CNIH1: variants seen among roughly 807,000 people sequenced by gnomAD.
The protein encoded by CNIH1 is cornichon family member 1, also known as protein cornichon homolog 1.
A neutral mutation model predicts 20.2 loss-of-function variants in CNIH1; 12 were observed. The ratio of observed to expected loss-of-function variants is 0.59; its 90% confidence interval spans 0.38 to 0.96. The LOEUF is 0.96. Among genes scored for constraint, CNIH1 ranks in the 40% least tolerant of loss-of-function variants. The probability of loss-of-function intolerance (pLI) is 0.00; values close to 1 mark genes in which losing one functional copy is unlikely to be tolerated. For missense variants in CNIH1, 152 were observed against 178.8 expected, an observed-to-expected ratio of 0.85 and a Z score of 0.85; for synonymous variants, 69 against 63.3, an observed-to-expected ratio of 1.09 and a Z score of -0.43.
In CNIH1 at chr14:54,427,306, A is replaced by C. The variant is rs2030844516; in HGVS notation, c.*508T>G. 1 of 152,588 alleles carries C rather than the reference A, an allele frequency of 6.6e-6. No homozygotes were observed. The highest frequency in any genetic ancestry group is 2.4e-5 in the African/African-American group (1 of 41,470). 9.5% of individuals were successfully genotyped at this position (152,588 alleles called of 1,614,324 possible). On this transcript the variant is annotated 3_prime_UTR_variant, in exon 5 of 5. Coordinates refer to ENST00000216416, the MANE Select transcript of CNIH1 (RefSeq NM_005776.3). The stretch of plus-strand genomic sequence containing the variant: ...AAATTCCCGCTTTTTATTTTTGTAA[A>C]TGTATCCATATATAATCATCGACAT...
intron 4 of CNIH1, among the ~76,000 whole-genome samples, chr14:54,429,706 G>A (rs2030895901): frequency 6.6e-6 from 1 of 152,108 alleles, no homozygotes; most frequent in Admixed American, 6.5e-5. Context: ...GTTGCAGTGA[G>A]CAGAGATCGC....
At chr14:54,438,318 T>G (rs1468902563) in intron 1 of CNIH1, among the ~76,000 whole-genome samples, 1 of 152,210 alleles carries the variant, frequency 6.6e-6, no homozygotes, top group Non-Finnish European at 1.5e-5. Context: ...TGGGTTTCTC[T>G]TTGAGTGCTA....
intron 1 of CNIH1, among the ~76,000 whole-genome samples, chr14:54,437,352 A>G (rs906962448): frequency 2.6e-5 from 4 of 152,224 alleles, no homozygotes; most frequent in Admixed American, 2.6e-4. Context: ...GTGTTGCTCA[A>G]TATTATCAGT....
At chr14:54,435,932 G>A (rs2031046192) in intron 2 of CNIH1, 2 of 585,858 alleles carry the variant, frequency 3.4e-6, no homozygotes, top group Non-Finnish European at 6.1e-6. Flanking sequence ...GCATATATTT[G>A]CATAAAATAT....
At position 54,438,997 on chromosome 14, in the gene CNIH1, C is replaced by G. The variant is rs1290278814; in HGVS notation, c.81+2250G>C. 1.1e-4 allele frequency among the ~76,000 whole-genome samples: 16 copies of G among 152,314 alleles called. No homozygotes were observed. The East Asian group carries it at 2.5e-3, about 24-fold the overall frequency. On this transcript the variant is annotated intron_variant, in intron 1 of 4. Coordinates refer to ENST00000216416, the MANE Select transcript of CNIH1 (RefSeq NM_005776.3). ...ACTACTCCCCCACCATGAGTGGAAGCAGGCTGAGACTTTCACCAGATGCCC... is the reference window on the plus strand; with the variant it reads ...ACTACTCCCCCACCATGAGTGGAAGGAGGCTGAGACTTTCACCAGATGCCC...
chr14:54,430,028 A>C (rs1354159436), intron 4 of CNIH1: 17 of 489,234 alleles, frequency 3.5e-5, no homozygotes, highest in Non-Finnish European at 5.6e-5. Flanking sequence ...CTGAAAACTT[A>C]TGAAGCAGCA....
Position 54,427,993 on chromosome 14 carries a change from G to GCAATTATATATAT in CNIH1, c.408-153_408-152insATATATATAATTG, listed in dbSNP as rs1491058931. 771 of 790,478 alleles carry GCAATTATATATAT rather than the reference G, an allele frequency of 9.8e-4. 12 individuals carry two copies. In the South Asian group the frequency reaches 0.012, roughly 12 times the overall value. 49.0% of individuals were successfully genotyped at this position (790,478 alleles called of 1,614,324 possible). On this transcript the variant is annotated intron_variant, in intron 4 of 4. Coordinates refer to ENST00000216416, the MANE Select transcript of CNIH1 (RefSeq NM_005776.3). ...CACAGTGATTTTAATTTGCATTTAT[G>GCAATTATATATAT]GACTTTTGCCTAACATATGACTTGG...
rs1324364074 is a variant in CNIH1 at position 54,424,133 on chromosome 14, G to A, written c.*3681C>T. 1 of 152,168 alleles carries A rather than the reference G, an allele frequency of 6.6e-6. No individual in the cohort carries two copies. Among genetic ancestry groups the A allele is most frequent in the Non-Finnish European group, 1.5e-5 (1 of 68,036 alleles). The allele number at this position is 152,168 out of a possible 1,614,324, so 9.4% of individuals were successfully genotyped here. ...CAGAACCATCTTCCAAGCTATACTGGTAGCACCACAGACTTACTAGCTGCT... is the reference window on the plus strand; with the variant it reads ...CAGAACCATCTTCCAAGCTATACTGATAGCACCACAGACTTACTAGCTGCT... On this transcript the variant is annotated 3_prime_UTR_variant, in exon 5 of 5. Coordinates refer to ENST00000216416, the MANE Select transcript of CNIH1 (RefSeq NM_005776.3).
chr14:54,436,548 C>A, intron 1 of CNIH1, 111 bp from the exon 2 acceptor site: 1 of 646,266 alleles, frequency 1.5e-6, no homozygotes, highest in Non-Finnish European at 2.8e-6. Context: ...CAAAAGTACA[C>A]CAAGATCCCA....
intron 4 of CNIH1, chr14:54,430,010 G>A: frequency 2.2e-6 from 1 of 451,746 alleles, no homozygotes; most frequent in African/African-American, 2.0e-5. Context: ...TTTACTGACT[G>A]AATGTGTCTG....
chr14:54,433,763 T>A (rs1407694119), intron 2 of CNIH1, among the ~76,000 whole-genome samples: 3 of 152,164 alleles, frequency 2.0e-5, no homozygotes, highest in African/African-American at 7.2e-5. Flanking sequence ...ATCCTACACT[T>A]ACAGAATGAA....
chr14:54,424,166 C>CTGCA lies in CNIH1; in HGVS notation c.*3644_*3647dup, dbSNP rs1180976916. On this transcript the variant is annotated 3_prime_UTR_variant, in exon 5 of 5. Transcript: ENST00000216416. ...ACAGACTTACTAGCTGCTGGTCATA[C>CTGCA]TGCACATCAATGATTGGTTTGAGCA... The CTGCA allele has an allele frequency of 1.3e-5, 2 of 152,228 alleles. No homozygotes were observed. The highest frequency in any genetic ancestry group is 6.5e-5 in the Admixed American group (1 of 15,284). The allele number at this position is 152,228 out of a possible 1,614,324, so 9.4% of individuals were successfully genotyped here. A position where few individuals can be genotyped will look rare whatever the true frequency, so the allele number is the denominator to read the frequency against.
Position 54,424,348 on chromosome 14 carries a change from T to C in CNIH1, c.*3466A>G, listed in dbSNP as rs2030784864. On this transcript the variant is annotated 3_prime_UTR_variant, in exon 5 of 5. Transcript: ENST00000216416. ...ATTTTTGCCATCAAAATTTCTGATT[T>C]ACAATCATGATATACAACTGAGAGA... 6.6e-6 allele frequency: 1 copy of C among 152,264 alleles called. No homozygotes were observed. The highest frequency in any genetic ancestry group is 2.1e-4 in the South Asian group (1 of 4,836). The allele number at this position is 152,264 out of a possible 1,614,324, so 9.4% of individuals were successfully genotyped here.
Position 54,430,375 on chromosome 14 carries a change from G to T in CNIH1, c.293C>A (p.Pro98Gln). The change falls in exon 4 of 5, where the codon CCA (proline) becomes CAA (glutamine). Residue 98 changes from proline (P) to glutamine (Q), a missense_variant. Pro to Gln is a moderately conservative substitution (Grantham distance 76). Coordinates refer to ENST00000216416, the MANE Select transcript of CNIH1 (RefSeq NM_005776.3). ...GATGGTTGTAGGGTCATAGAGTCCTGGGCCACTCATCACTGGTCTACTCAT... is the reference window on the plus strand; with the variant it reads ...GATGGTTGTAGGGTCATAGAGTCCTTGGCCACTCATCACTGGTCTACTCAT... ...RYMSRPVMSG[P>Q]GLYDPTTIMN... 1 of 1,613,966 alleles carries T rather than the reference G, an allele frequency of 6.2e-7. No homozygotes were observed. Among genetic ancestry groups the T allele is most frequent in the African/African-American group, 1.3e-5 (1 of 75,004 alleles).
intron 1 of CNIH1, among the ~76,000 whole-genome samples, chr14:54,440,993 C>G (rs1054589863): frequency 6.6e-6 from 1 of 152,030 alleles, no homozygotes; most frequent in South Asian, 2.1e-4. Context: ...CGCGGCCGCC[C>G]CATCCAGTAG....
chr14:54,437,829 A>G (rs1594619470), intron 1 of CNIH1, among the ~76,000 whole-genome samples: 2 of 152,166 alleles, frequency 1.3e-5, no homozygotes, highest in East Asian at 3.8e-4. Flanking sequence ...CAGCCGTGGT[A>G]TATAACCCCA....
rs1489397279 is a variant in CNIH1 at position 54,424,605 on chromosome 14, A to C, written c.*3209T>G. ...GGAGAAGAGAGGTGTTGTACAAAGG[A>C]TTTTGCTGGTTTCAAAGCACATACA... is the stretch of plus-strand genomic sequence containing the variant. On this transcript the variant is annotated 3_prime_UTR_variant, in exon 5 of 5. Transcript: ENST00000216416. 6.6e-6 allele frequency: 1 copy of C among 152,192 alleles called. No individual in the cohort carries two copies. Among genetic ancestry groups the C allele is most frequent in the Non-Finnish European group, 1.5e-5 (1 of 68,026 alleles). The allele number at this position is 152,192 out of a possible 1,614,324, so 9.4% of individuals were successfully genotyped here.
In CNIH1 at chr14:54,430,421, C is replaced by T. The variant is rs768067762; in HGVS notation, c.264-17G>A. 5.0e-6 allele frequency: 8 copies of T among 1,593,408 alleles called. No individual in the cohort carries two copies. Among genetic ancestry groups the T allele is most frequent in the Non-Finnish European group, 6.0e-6 (7 of 1,169,450 alleles). Reference sequence around the variant, plus strand: ...CTCATATACCTGGAATAAACACAGTCTATTAGGCATTCAGAAAGGGCAGTA... The same window carrying T: ...CTCATATACCTGGAATAAACACAGTTTATTAGGCATTCAGAAAGGGCAGTA... On this transcript the variant is annotated splice_polypyrimidine_tract_variant and intron_variant, in intron 3 of 4. Coordinates refer to ENST00000216416, the MANE Select transcript of CNIH1 (RefSeq NM_005776.3).
intron 2 of CNIH1, chr14:54,436,055 A>T (rs948267977): frequency 1.1e-5 from 8 of 701,930 alleles, no homozygotes; most frequent in African/African-American, 1.7e-5. Flanking sequence ...GCATTAAAAC[A>T]TTTAACTAAA....
Sources: gnomAD v4.1 joint callset for allele counts (sites outside exome capture counted in the v4.1 genomes callset) on GRCh38, gnomAD v4.1.1 for gene constraint, MANE v1.5 for transcripts, NCBI Gene and HGNC (gene_info 2026-07-23, HGNC 2026-07-21) for gene names.